Variants in ULK4 observed in about 807,000 individuals in gnomAD.
ULK4 encodes the protein unc-51 like kinase 4.
ULK4 carries 133 observed loss-of-function variants against 160.6 expected under a neutral mutation model. That is an observed-to-expected ratio of 0.83 (90% CI 0.72 to 0.96). ULK4 has a LOEUF of 0.96. Ranked by LOEUF, ULK4 falls within the 40% of genes least tolerant of loss-of-function variation. The pLI is 0.00. For synonymous variants in ULK4, 534 were observed against 539.8 expected (o/e 0.99, Z 0.15); for missense variants, 1,580 against 1,499.5 (o/e 1.05, Z -0.89).
chr3:41,400,654 G>T (rs1168688529), intron 34 of ULK4, among the ~76,000 whole-genome samples: 4 of 152,190 alleles, frequency 2.6e-5, no homozygotes, highest in Non-Finnish European at 5.9e-5. Flanking sequence ...GTTTTTGTGT[G>T]AACATTAGCT....
intron 16 of ULK4, among the ~76,000 whole-genome samples, chr3:41,886,729 C>G (rs1407572754): frequency 6.6e-6 from 1 of 152,068 alleles, no homozygotes; most frequent in African/African-American, 2.4e-5. Flanking sequence ...GCACGCACCA[C>G]CATGCCCAGC....
chr3:41,763,086 G>C (rs757934509), intron 21 of ULK4, among the ~76,000 whole-genome samples: 1 of 151,972 alleles, frequency 6.6e-6, no homozygotes, highest in African/African-American at 2.4e-5. Context: ...CCCTCCACAC[G>C]TGCGAATTAC....
chr3:41,420,245 AT>A (rs1388700832), intron 34 of ULK4, among the ~76,000 whole-genome samples: 1 of 151,914 alleles, frequency 6.6e-6, no homozygotes, highest in African/African-American at 2.4e-5. Context: ...ATTACTTTAA[AT>A]TTATATTTTA....
intron 32 of ULK4, among the ~76,000 whole-genome samples, chr3:41,525,631 C>T (rs1345984845): frequency 6.6e-6 from 1 of 152,222 alleles, no homozygotes. Flanking sequence ...ACTTTTTCTG[C>T]AGGAGCATCA....
At chr3:41,890,717 G>A (rs1697900329) in intron 16 of ULK4, among the ~76,000 whole-genome samples, 6 of 95,676 alleles carry the variant, frequency 6.3e-5, no homozygotes, top group East Asian at 3.6e-4. Flanking sequence ...GAAGGGACAG[G>A]AGGGACGGGA....
intron 30 of ULK4, among the ~76,000 whole-genome samples, chr3:41,655,389 AG>A (rs1225398514): frequency 1.5e-3 from 56 of 37,824 alleles, no homozygotes; most frequent in African/African-American, 5.6e-3. Context: ...GGGTGGGGGG[AG>A]GGGGGAGGGA....
chr3:41,686,407 C>G (rs556962348), intron 27 of ULK4, among the ~76,000 whole-genome samples: 11 of 152,188 alleles, frequency 7.2e-5, no homozygotes, highest in Non-Finnish European at 1.5e-4. Flanking sequence ...GTTTAATCAC[C>G]AGAAACAAAT....
At chr3:41,858,951 C>G (rs1033015722) in intron 17 of ULK4, among the ~76,000 whole-genome samples, 2 of 152,108 alleles carry the variant, frequency 1.3e-5, no homozygotes, top group Non-Finnish European at 2.9e-5. Context: ...ACTGACTGCC[C>G]CACTGGAGTA....
At chr3:41,795,413 C>G (rs929696681) in intron 20 of ULK4, among the ~76,000 whole-genome samples, 2 of 152,126 alleles carry the variant, frequency 1.3e-5, no homozygotes, top group African/African-American at 2.4e-5. Context: ...CTAACCTCTG[C>G]CCTCTACTCA....
intron 32 of ULK4, among the ~76,000 whole-genome samples, chr3:41,540,293 G>GT (rs139254273): frequency 0.51 from 77,636 of 151,834 alleles, 19,962 homozygotes; most frequent in Middle Eastern, 0.57. Flanking sequence ...GTGGTGTTTG[G>GT]TTTCTGTTCT....
intron 17 of ULK4, 83 bp from the exon 18 acceptor site, chr3:41,836,054 C>A: frequency 2.3e-6 from 2 of 865,236 alleles, no homozygotes; most frequent in East Asian, 2.7e-5. Flanking sequence ...GCAGGATACC[C>A]TGTAAAAGTC....
chr3:41,550,608 T>G (rs1342047898), intron 32 of ULK4, among the ~76,000 whole-genome samples: 2 of 152,030 alleles, frequency 1.3e-5, no homozygotes, highest in African/African-American at 4.8e-5. Context: ...TAAATGTTTA[T>G]GTACCCAATG....
At chr3:41,304,085 T>TTGAG (rs149878765) in intron 35 of ULK4, among the ~76,000 whole-genome samples, 210 of 152,056 alleles carry the variant, frequency 1.4e-3, no homozygotes, top group African/African-American at 4.9e-3. Flanking sequence ...AGCCATGGTC[T>TTGAG]ACACGGTGAA....
chr3:41,417,419 C>T (rs536510204), intron 34 of ULK4, among the ~76,000 whole-genome samples: 1 of 152,206 alleles, frequency 6.6e-6, no homozygotes, highest in South Asian at 2.1e-4. Flanking sequence ...AAATGTGACA[C>T]AGGTAGCTTT....
chr3:41,717,712 T>C lies in ULK4; in HGVS notation c.2455+16A>G, dbSNP rs759151995. On this transcript the variant is annotated intron_variant, in intron 23 of 36. Coordinates refer to ENST00000301831, the MANE Select transcript of ULK4 (RefSeq NM_017886.4). ...TAAAAGCAGAAATGGGGCCTGAGGA[T>C]GAGACTCCAATTTACCCAGGATTCG... 5.6e-6 allele frequency: 9 copies of C among 1,603,254 alleles called. No homozygotes were observed. The highest frequency in any genetic ancestry group is 1.1e-5 in the South Asian group (1 of 89,962).
chr3:41,593,841 G>A (rs2031513059), intron 31 of ULK4, among the ~76,000 whole-genome samples: 1 of 151,904 alleles, frequency 6.6e-6, no homozygotes, highest in Non-Finnish European at 1.5e-5. Context: ...GACCAGCCTG[G>A]GCAACACGGT....
intron 29 of ULK4, among the ~76,000 whole-genome samples, chr3:41,666,313 T>A (rs892116033): frequency 6.6e-6 from 1 of 152,206 alleles, no homozygotes; most frequent in Non-Finnish European, 1.5e-5. Context: ...CAAGGTCTCA[T>A]GTATTCGAAG....
At chr3:41,692,896 G>C (rs1189990288) in intron 27 of ULK4, among the ~76,000 whole-genome samples, 8 of 152,146 alleles carry the variant, frequency 5.3e-5, no homozygotes, top group Admixed American at 5.2e-4. Flanking sequence ...ATTAGCTTCT[G>C]TGTATGTCAG....
intron 25 of ULK4, among the ~76,000 whole-genome samples, chr3:41,710,531 T>C (rs1028790215): frequency 3.9e-5 from 6 of 152,142 alleles, no homozygotes; most frequent in African/African-American, 1.4e-4. Flanking sequence ...TGGTGGCTCA[T>C]GCCTATAATC....
Sources: gnomAD v4.1 joint callset for allele counts (sites outside exome capture counted in the v4.1 genomes callset) on GRCh38, gnomAD v4.1.1 for gene constraint, MANE v1.5 for transcripts, NCBI Gene and HGNC (gene_info 2026-07-23, HGNC 2026-07-21) for gene names.